TEKT1: variants seen among roughly 807,000 people sequenced by gnomAD.
TEKT1 encodes the protein tektin-1.
Under a neutral mutation model 34.8 loss-of-function variants are expected in TEKT1, and 32 were observed. That is an observed-to-expected ratio of 0.92 (90% CI 0.69 to 1.23). The LOEUF (loss-of-function observed/expected upper bound fraction) is 1.23. Ranked by LOEUF, TEKT1 falls within the 50% of genes most tolerant of loss-of-function variation. The probability of loss-of-function intolerance (pLI) is 0.00; values close to 1 mark genes in which losing one functional copy is unlikely to be tolerated. For synonymous variants in TEKT1, 207 were observed against 199.8 expected, an observed-to-expected ratio of 1.04 and a Z score of -0.30; for missense variants, 492 against 518.5, an observed-to-expected ratio of 0.95 and a Z score of 0.50.
chr17:6,800,643 G>C, intron 7 of TEKT1, 104 bp downstream of exon 7: 1 of 1,363,894 alleles, frequency 7.3e-7, no homozygotes, highest in South Asian at 1.4e-5. Flanking sequence ...GCATTCCAGA[G>C]CAGGCTGGCT....
chr17:6,802,902 A>T (rs1233903261), intron 6 of TEKT1, among the ~76,000 whole-genome samples: 1 of 152,192 alleles, frequency 6.6e-6, no homozygotes, highest in Non-Finnish European at 1.5e-5. Flanking sequence ...TATTGTGAAT[A>T]GTGCCACAAT....
chr17:6,815,702 A>G, intron 4 of TEKT1, 132 bp downstream of exon 4: 1 of 1,382,542 alleles, frequency 7.2e-7, no homozygotes, highest in South Asian at 1.4e-5. Flanking sequence ...TGCTGGGGCA[A>G]TCTGGGGACA....
At position 6,815,252 on chromosome 17, in the gene TEKT1, C is replaced by A; in HGVS notation, c.540G>T (p.Val180=). 1 of 1,614,236 alleles carries A rather than the reference C, an allele frequency of 6.2e-7. No homozygotes were observed. Among genetic ancestry groups the A allele is most frequent in the Non-Finnish European group, 8.5e-7 (1 of 1,180,044 alleles). Residue 180 remains valine, a synonymous_variant, in exon 5 of 8, where the codon GTG becomes GTT. Coordinates refer to ENST00000338694, the MANE Select transcript of TEKT1 (RefSeq NM_053285.2). The stretch of plus-strand genomic sequence containing the variant: ...AGCAGATATCATCTATGGTCAGGGC[C>A]ACAAACTTGTCCTTCAAATCCTTCT... ...NLEKDLKDKF[V]ALTIDDICFS...
At position 6,798,835 on chromosome 17, in the gene TEKT1, A is replaced by G. The variant is rs534398533; in HGVS notation, c.*1192T>C. 2.0e-4 allele frequency: 31 copies of G among 152,332 alleles called. No homozygotes were observed. The highest frequency in any genetic ancestry group is 6.5e-4 in the African/African-American group (27 of 41,554). The allele number at this position is 152,332 out of a possible 1,614,324, so 9.4% of individuals were successfully genotyped here. A position where few individuals can be genotyped will look rare whatever the true frequency, so the allele number is the denominator to read the frequency against. On this transcript the variant is annotated 3_prime_UTR_variant, in exon 8 of 8. Transcript: ENST00000338694. ...ACAGCAAGGACAGGAAGAGTTCCAG[A>G]CGATATAGTCCTTTCCTTACTTTAC...
At chr17:6,807,823 C>T (rs1430891580) in intron 6 of TEKT1, among the ~76,000 whole-genome samples, 1 of 152,162 alleles carries the variant, frequency 6.6e-6, no homozygotes, top group African/African-American at 2.4e-5. Context: ...GATTGTTCCT[C>T]TGGAAGTTTT....
intron 2 of TEKT1, among the ~76,000 whole-genome samples, chr17:6,829,399 T>C (rs955424669): frequency 5.9e-5 from 9 of 152,214 alleles, no homozygotes; most frequent in Admixed American, 5.9e-4. Context: ...TTATACAAAA[T>C]GGTGTAGTGT....
At chr17:6,815,727 G>A in intron 4 of TEKT1, 107 bp downstream of exon 4, 7 of 1,504,314 alleles carry the variant, frequency 4.7e-6, no homozygotes, top group Non-Finnish European at 4.5e-6. Flanking sequence ...GTGGGAGCGG[G>A]AATGTTGAAC....
intron 6 of TEKT1, among the ~76,000 whole-genome samples, chr17:6,804,566 T>C (rs1266751786): frequency 6.6e-6 from 1 of 152,252 alleles, no homozygotes; most frequent in Non-Finnish European, 1.5e-5. Flanking sequence ...TTTCCAGTGT[T>C]TGCCCATTCA....
chr17:6,804,220 C>T (rs1363819625), intron 6 of TEKT1, among the ~76,000 whole-genome samples: 1 of 152,112 alleles, frequency 6.6e-6, no homozygotes, highest in Non-Finnish European at 1.5e-5. Context: ...CTCTTTGAAG[C>T]AATTGTGAAT....
Position 6,824,965 on chromosome 17 carries a change from T to C in TEKT1, c.190+5222A>G, listed in dbSNP as rs564446856. On this transcript the variant is annotated intron_variant, in intron 2 of 7. Transcript: ENST00000338694. Reference sequence around the variant, plus strand: ...CTGAAGATTTCTATTTGCAAACCAATAACACAAAGAAAATAGTGATAAAAT... The same window carrying C: ...CTGAAGATTTCTATTTGCAAACCAACAACACAAAGAAAATAGTGATAAAAT... Among the ~76,000 whole-genome samples the C allele has an allele frequency of 2.0e-5, 3 of 152,028 alleles. 1 individual carries two copies. Among genetic ancestry groups the C allele is most frequent in the African/African-American group, 7.2e-5 (3 of 41,436 alleles).
intron 2 of TEKT1, among the ~76,000 whole-genome samples, chr17:6,828,502 C>G (rs1486165505): frequency 6.6e-6 from 1 of 152,138 alleles, no homozygotes; most frequent in Non-Finnish European, 1.5e-5. Flanking sequence ...GAATAAATTC[C>G]TGCTTTCCAG....
At position 6,799,970 on chromosome 17, in the gene TEKT1, A is replaced by AC. The variant is rs1310494017; in HGVS notation, c.*56dup. On this transcript the variant is annotated 3_prime_UTR_variant, in exon 8 of 8. Transcript: ENST00000338694. ...CGCCAGCCTGAAATGAGAGCTCTGT[A>AC]CTACTGTAACTACTGTTTACAATGT... 2.6e-6 allele frequency: 4 copies of AC among 1,520,848 alleles called. No homozygotes were observed. The highest frequency in any genetic ancestry group is 3.5e-6 in the Non-Finnish European group (4 of 1,127,818). The allele number at this position is 1,520,848 out of a possible 1,614,324, so 94.2% of individuals were successfully genotyped here.
rs751406278 is a variant in TEKT1, at chr17:6,815,224, A to G, written c.568T>C (p.Ser190Pro). The change falls in exon 5 of 8, where the codon TCG becomes CCG. Residue 190 changes from serine to proline, a missense_variant. Transcript: ENST00000338694. The part of the protein sequence containing the change: ...VALTIDDICF[S>P]LNNNSPNIRY... ...ATGTTTGGTGAGTTGTTGTTGAGCG[A>G]GAAGCAGATATCATCTATGGTCAGG... is the stretch of plus-strand genomic sequence containing the variant. 2 of 1,614,222 alleles carry G rather than the reference A, an allele frequency of 1.2e-6. No homozygotes were observed. The highest frequency in any genetic ancestry group is 1.7e-6 in the Non-Finnish European group (2 of 1,180,032).
chr17:6,817,896 T>C (rs1191348409), intron 3 of TEKT1, among the ~76,000 whole-genome samples: 1 of 152,244 alleles, frequency 6.6e-6, no homozygotes, highest in Admixed American at 6.5e-5. Flanking sequence ...ATCATTATCC[T>C]CAGGCTTAGA....
At chr17:6,822,065 G>A (rs1977099273) in intron 2 of TEKT1, among the ~76,000 whole-genome samples, 2 of 152,144 alleles carry the variant, frequency 1.3e-5, no homozygotes, top group Admixed American at 1.3e-4. Flanking sequence ...CTTCACAGCA[G>A]CCCCTCTCAT....
In TEKT1 at chr17:6,830,179, T is replaced by G. The variant is rs868536342; in HGVS notation, c.190+8A>C. 1 of 1,604,502 alleles carries G rather than the reference T, an allele frequency of 6.2e-7. No individual in the cohort carries two copies. On this transcript the variant is annotated splice_region_variant and intron_variant, in intron 2 of 7. Transcript: ENST00000338694. Reference sequence around the variant, plus strand: ...ATGTTCACGAATATGCCAAGCATGTTGTCTTACCTAGTTTCTTGTTCACAT... The same window carrying G: ...ATGTTCACGAATATGCCAAGCATGTGGTCTTACCTAGTTTCTTGTTCACAT...
intron 2 of TEKT1, among the ~76,000 whole-genome samples, chr17:6,823,289 C>T (rs75560919): frequency 6.6e-6 from 1 of 152,166 alleles, no homozygotes; most frequent in Non-Finnish European, 1.5e-5. Flanking sequence ...AAGATTTCTG[C>T]AGCATGAATC....
chr17:6,798,959 G>T lies in TEKT1; in HGVS notation c.*1068C>A, dbSNP rs1400198913. 1 of 152,248 alleles carries T rather than the reference G, an allele frequency of 6.6e-6. No individual in the cohort carries two copies. Among genetic ancestry groups the T allele is most frequent in the Non-Finnish European group, 1.5e-5 (1 of 68,054 alleles). 9.4% of individuals were successfully genotyped at this position (152,248 alleles called of 1,614,324 possible). ...CCGTCAGCTGTCCATGAGCACCGGG[G>T]AACCAAATGTTAGCAGAGTGTAGCA... On this transcript the variant is annotated 3_prime_UTR_variant, in exon 8 of 8. Coordinates refer to ENST00000338694, the MANE Select transcript of TEKT1 (RefSeq NM_053285.2).
chr17:6,803,474 T>C (rs1218901869), intron 6 of TEKT1, among the ~76,000 whole-genome samples: 1 of 152,120 alleles, frequency 6.6e-6, no homozygotes, highest in Admixed American at 6.5e-5. Context: ...TTAGATCCCA[T>C]TTGTCAATTT....
Sources: gnomAD v4.1 joint callset for allele counts (sites outside exome capture counted in the v4.1 genomes callset) on GRCh38, gnomAD v4.1.1 for gene constraint, MANE v1.5 for transcripts, NCBI Gene and HGNC (gene_info 2026-07-23, HGNC 2026-07-21) for gene names.